Variants in CACNA1E observed in about 807,000 individuals in gnomAD.
CACNA1E encodes the protein voltage-dependent R-type calcium channel subunit alpha-1E.
Under a neutral mutation model 259.2 loss-of-function variants are expected in CACNA1E, and 40 were observed. That is an observed-to-expected ratio of 0.15 (90% CI 0.12 to 0.20). The LOEUF (loss-of-function observed/expected upper bound fraction) is 0.20. Ranked by LOEUF, CACNA1E falls within the 10% of genes least tolerant of loss-of-function variation. The pLI, the probability that CACNA1E is intolerant of heterozygous loss-of-function variation, is 1.00. For missense variants in CACNA1E, 1,874 were observed against 3,040.1 expected (o/e 0.62, Z 9.02); for synonymous variants, 1,104 against 1,138.5 (o/e 0.97, Z 0.61).
intron 6 of CACNA1E, among the ~76,000 whole-genome samples, chr1:181,613,312 G>A (rs193144026): frequency 9.7e-4 from 147 of 152,216 alleles, no homozygotes; most frequent in Admixed American, 4.7e-3. Context: ...TATAACTTTT[G>A]AGACCCCCCA....
intron 26 of CACNA1E, among the ~76,000 whole-genome samples, chr1:181,750,984 G>C (rs1657544721): frequency 6.6e-6 from 1 of 152,082 alleles, no homozygotes; most frequent in South Asian, 2.1e-4. Context: ...TCAGGGGGGT[G>C]GGGTAGGGGG....
intron 6 of CACNA1E, among the ~76,000 whole-genome samples, chr1:181,596,557 C>CGTGTGTGT (rs60302499): frequency 0.08 from 11,259 of 140,444 alleles, 616 homozygotes; most frequent in East Asian, 0.14. Flanking sequence ...CCACCATGTA[C>CGTGTGTGT]GTGTGTGTGT....
intron 36 of CACNA1E, chr1:181,771,627 T>C (rs1659524191): frequency 1.9e-6 from 1 of 514,486 alleles, no homozygotes. Context: ...CTAAGCAGGG[T>C]TGGGTCTGCT....
chr1:181,790,487 C>G lies in CACNA1E; in HGVS notation c.5829C>G (p.Pro1943=), dbSNP rs367849400. 1 of 1,613,500 alleles carries G rather than the reference C, an allele frequency of 6.2e-7. No homozygotes were observed. Among genetic ancestry groups the G allele is most frequent in the African/African-American group, 1.3e-5 (1 of 74,896 alleles). The part of the protein sequence containing the change: ...SGYPSMSPLS[P]QDIFQLACMD... ...ACCCTTCGATGAGTCCACTCTCTCC[C>G]CAGGATATATTCCAGTTGGCTTGTA... is the stretch of plus-strand genomic sequence containing the variant. Residue 1943 remains proline (P), a synonymous_variant, in exon 44 of 48, where the codon CCC becomes CCG. Coordinates refer to ENST00000367573, the MANE Select transcript of CACNA1E (RefSeq NM_001205293.3).
chr1:181,795,536 G>A (rs1661716259), intron 46 of CACNA1E, among the ~76,000 whole-genome samples: 3 of 151,644 alleles, frequency 2.0e-5, no homozygotes, highest in South Asian at 2.1e-4. Context: ...TGCCTCCCGG[G>A]TTCACACCAT....
intron 1 of CACNA1E, among the ~76,000 whole-genome samples, chr1:181,403,598 G>C (rs1196527423): frequency 2.0e-5 from 3 of 152,096 alleles, no homozygotes; most frequent in South Asian, 2.1e-4. Context: ...AAAAAACATA[G>C]AGAGGGATAA....
Position 181,737,559 on chromosome 1 carries a change from C to T in CACNA1E, c.3457C>T (p.Arg1153Cys), listed in dbSNP as rs372912168. 142 of 1,613,894 alleles carry T rather than the reference C, an allele frequency of 8.8e-5. No homozygotes were observed. Among genetic ancestry groups the T allele is most frequent in the Non-Finnish European group, 1.2e-4 (136 of 1,179,890 alleles). Residue 1153 changes from arginine to cysteine, a missense_variant, in exon 23 of 48, where the codon CGC becomes TGC. By Grantham distance (180) the Arg-to-Cys change is radical. Around this residue, in one of 14 missense-constraint regions of CACNA1E, gnomAD observed 56 missense variants for 97.4 expected, o/e 0.57. Coordinates refer to ENST00000367573, the MANE Select transcript of CACNA1E (RefSeq NM_001205293.3). ...RRACHYIVNL[R>C]YFEMCILLVI... is the part of the protein sequence containing the mutation. ...GGCCTGCCACTACATCGTGAACCTG[C>T]GCTACTTTGAGATGTGCATCCTCCT...
At chr1:181,660,606 G>A (rs1297124863) in intron 7 of CACNA1E, among the ~76,000 whole-genome samples, 1 of 152,168 alleles carries the variant, frequency 6.6e-6, no homozygotes, top group East Asian at 1.9e-4. Flanking sequence ...TCTCCTGTTG[G>A]GTGTGCCATT....
chr1:181,509,202 G>A (rs139839376), intron 1 of CACNA1E, among the ~76,000 whole-genome samples: 112 of 152,228 alleles, frequency 7.4e-4, no homozygotes, highest in Non-Finnish European at 1.5e-3. Context: ...CAGAGCAACT[G>A]GTGAGCAGCT....
At chr1:181,507,052 A>C (rs751655826) in intron 1 of CACNA1E, among the ~76,000 whole-genome samples, 6 of 101,932 alleles carry the variant, frequency 5.9e-5, no homozygotes, top group Non-Finnish European at 8.9e-5. Flanking sequence ...AATGTAAAGC[A>C]AAAAAAAAAA....
At chr1:181,377,180 A>G (rs557382342) in intron 1 of CACNA1E, among the ~76,000 whole-genome samples, 5 of 152,354 alleles carry the variant, frequency 3.3e-5, no homozygotes, top group Admixed American at 1.3e-4. Flanking sequence ...TTGAGAGGAC[A>G]TAGAGATTAA....
chr1:181,373,606 C>T (rs1342940766), intron 1 of CACNA1E, among the ~76,000 whole-genome samples: 1 of 147,332 alleles, frequency 6.8e-6, no homozygotes, highest in Non-Finnish European at 1.5e-5. Flanking sequence ...GGCGCAATCT[C>T]GGCTCACTGC....
chr1:181,405,955 C>T (rs914882233), intron 1 of CACNA1E, among the ~76,000 whole-genome samples: 8 of 152,202 alleles, frequency 5.3e-5, no homozygotes, highest in Admixed American at 2.6e-4. Flanking sequence ...TATTGAAATA[C>T]AGCCGTATCC....
intron 1 of CACNA1E, among the ~76,000 whole-genome samples, chr1:181,337,691 C>T (rs982263857): frequency 1.3e-5 from 2 of 152,128 alleles, no homozygotes; most frequent in African/African-American, 2.4e-5. Flanking sequence ...ATGAGAGTAT[C>T]TCATTTTTTA....
intron 7 of CACNA1E, among the ~76,000 whole-genome samples, chr1:181,690,168 G>A (rs1651002231): frequency 6.6e-6 from 1 of 152,148 alleles, no homozygotes; most frequent in Non-Finnish European, 1.5e-5. Flanking sequence ...TGTAAGGAAG[G>A]GGTCCAGTTT....
In CACNA1E at chr1:181,583,796, A is replaced by G. The variant is rs75898782; in HGVS notation, c.951+3020A>G. On this transcript the variant is annotated intron_variant, in intron 6 of 47. Coordinates refer to ENST00000367573, the MANE Select transcript of CACNA1E (RefSeq NM_001205293.3). ...AATGTCAACTGCTTGGTCAAACTCC[A>G]ACTATATTCTTGGCTTCCCTCCCTC... is the stretch of plus-strand genomic sequence containing the variant. 3.7e-3 allele frequency among the ~76,000 whole-genome samples: 563 copies of G among 152,122 alleles called. 3 individuals are homozygous for G. The highest frequency in any genetic ancestry group is 0.012 in the African/African-American group (501 of 41,504).
At chr1:181,785,031 C>T (rs1660737196) in intron 41 of CACNA1E, among the ~76,000 whole-genome samples, 1 of 152,106 alleles carries the variant, frequency 6.6e-6, no homozygotes, top group South Asian at 2.1e-4. Context: ...TGTCACTTAG[C>T]TATAGAGATT....
At chr1:181,356,905 G>C (rs1296853393) in intron 1 of CACNA1E, among the ~76,000 whole-genome samples, 2 of 152,110 alleles carry the variant, frequency 1.3e-5, no homozygotes, top group Non-Finnish European at 2.9e-5. Context: ...AAAATAACCT[G>C]GTTGCTCGAA....
intron 1 of CACNA1E, among the ~76,000 whole-genome samples, chr1:181,344,858 G>T (rs1043415915): frequency 3.9e-5 from 6 of 152,314 alleles, no homozygotes; most frequent in Admixed American, 6.5e-5. Flanking sequence ...GTTGCCTCTG[G>T]TTTACACTGG....
Sources: allele counts gnomAD v4.1 joint callset (sites outside exome capture counted in the v4.1 genomes callset), GRCh38; gene constraint gnomAD v4.1.1; regional missense constraint gnomAD v4.1.1; transcripts MANE v1.5; gene names NCBI Gene and HGNC (gene_info 2026-07-23, HGNC 2026-07-21).